The following NRXN1 variants were observed in gnomAD, a reference collection of about 807,000 sequenced individuals.
NRXN1 encodes the protein neurexin 1, also known as neurexin-1.
A neutral mutation model predicts 150.9 loss-of-function variants in NRXN1; 39 were observed. The ratio of observed to expected loss-of-function variants is 0.26; its 90% CI spans 0.20 to 0.34. NRXN1 has a LOEUF of 0.34. NRXN1 is among the 10% of genes least tolerant of loss of function. NRXN1 has a pLI of 1.00. For synonymous variants in NRXN1, 924 were observed against 757.0 expected (o/e 1.22, Z -3.62); for missense variants, 1,815 against 1,949.9 (o/e 0.93, Z 1.30).
chr2:50,000,649 G>C (rs1056573135), intron 21 of NRXN1, among the ~76,000 whole-genome samples: 2 of 152,132 alleles, frequency 1.3e-5, no homozygotes, highest in Non-Finnish European at 2.9e-5. Flanking sequence ...AGATTAATAA[G>C]AATATGACTC....
At chr2:51,019,280 T>G (rs1669225833) in intron 2 of NRXN1, among the ~76,000 whole-genome samples, 1 of 152,110 alleles carries the variant, frequency 6.6e-6, no homozygotes, top group South Asian at 2.1e-4. Flanking sequence ...GTTTTCTCAC[T>G]GATAAAATCG....
Position 50,169,626 on chromosome 2 carries a change from T to C in NRXN1, c.3546+67163A>G, listed in dbSNP as rs1021374379. On this transcript the variant is annotated intron_variant, in intron 18 of 22. Coordinates refer to ENST00000401669, the MANE Select transcript of NRXN1 (RefSeq NM_001330078.2). ...TACTCGGGAGGCTGAGGAAGGAGAA[T>C]TGCTTGAACCCAGGAGCGGAGGTTG... 2.1e-4 allele frequency among the ~76,000 whole-genome samples: 31 copies of C among 150,010 alleles called. 1 individual carries two copies. Among genetic ancestry groups the C allele is most frequent in the Admixed American group, 2.0e-3 (30 of 14,972 alleles).
intron 18 of NRXN1, among the ~76,000 whole-genome samples, chr2:50,161,549 A>G (rs1222397774): frequency 6.6e-6 from 1 of 152,144 alleles, no homozygotes; most frequent in East Asian, 1.9e-4. Flanking sequence ...GCAGACTGGG[A>G]GAATTTTGAC....
In NRXN1 at chr2:50,168,854, CA is replaced by C. The variant is rs1288634394; in HGVS notation, c.3546+67934del. On this transcript the variant is annotated intron_variant, in intron 18 of 22. Coordinates refer to ENST00000401669, the MANE Select transcript of NRXN1 (RefSeq NM_001330078.2). ...TGATGGTGATTTCGTCTTCCATTTA[CA>C]ACTTCTTTATTCTTATAAAAAGAAT... Among the ~76,000 whole-genome samples the C allele has an allele frequency of 2.0e-5, 3 of 152,314 alleles. No individual in the cohort carries two copies. In the East Asian group the frequency reaches 5.8e-4, roughly 29 times the overall value.
intron 21 of NRXN1, among the ~76,000 whole-genome samples, chr2:49,957,866 G>A (rs1357334605): frequency 6.6e-6 from 1 of 152,088 alleles, no homozygotes; most frequent in African/African-American, 2.4e-5. Context: ...TTGGCGTCTT[G>A]CTCCTTCTAC....
intron 21 of NRXN1, among the ~76,000 whole-genome samples, chr2:49,978,746 C>G (rs905710938): frequency 2.0e-5 from 3 of 150,480 alleles, no homozygotes; most frequent in Admixed American, 1.3e-4. Flanking sequence ...ACCACAAACC[C>G]ATGGATATTA....
chr2:50,424,164 G>A (rs867064598), intron 17 of NRXN1, among the ~76,000 whole-genome samples: 1 of 79,268 alleles, frequency 1.3e-5, no homozygotes, highest in African/African-American at 5.4e-5. Context: ...GGAAGGGGAG[G>A]AGGAGGAGGG....
intron 21 of NRXN1, chr2:49,970,309 A>T (rs1434684094): frequency 4.6e-5 from 7 of 152,114 alleles, no homozygotes; most frequent in Admixed American, 4.6e-4. Context: ...CAAATGAATT[A>T]AAATAAAGGT....
At chr2:50,211,352 T>C (rs1179609395) in intron 18 of NRXN1, among the ~76,000 whole-genome samples, 1 of 151,664 alleles carries the variant, frequency 6.6e-6, no homozygotes, top group Non-Finnish European at 1.5e-5. Flanking sequence ...CTAAATTTAA[T>C]AGAACATTGA....
In NRXN1 at chr2:50,576,941, T is replaced by G. The variant is rs139781827; in HGVS notation, c.1321-23916A>C. Among the ~76,000 whole-genome samples the G allele has an allele frequency of 2.5e-3, 388 of 152,164 alleles. 2 individuals carry two copies. The highest frequency in any genetic ancestry group is 8.8e-3 in the African/African-American group (366 of 41,536). On this transcript the variant is annotated intron_variant, in intron 8 of 22. Transcript: ENST00000401669. ...AAATACTGCACCTCTATGATGTAATTTATTATATTCTTGCTAATCTTTTCT... is the reference window on the plus strand; with the variant it reads ...AAATACTGCACCTCTATGATGTAATGTATTATATTCTTGCTAATCTTTTCT...
At chr2:50,522,719 CATTTTTTTTTTTTTTTT>C (rs1190025099) in intron 12 of NRXN1, among the ~76,000 whole-genome samples, 3 of 86,596 alleles carry the variant, frequency 3.5e-5, no homozygotes, top group Non-Finnish European at 6.0e-5. Context: ...TATTTTTATT[CATTTTTTTTTTTTTTTT>C]TTTTTTTTTT....
At chr2:50,199,026 C>G (rs1279912534) in intron 18 of NRXN1, 2 of 152,182 alleles carry the variant, frequency 1.3e-5, no homozygotes, top group Non-Finnish European at 2.9e-5. Context: ...GTGCCCAGAG[C>G]TGAGGACCTG....
At chr2:51,025,078 T>C (rs1464647508) in intron 2 of NRXN1, among the ~76,000 whole-genome samples, 1 of 152,148 alleles carries the variant, frequency 6.6e-6, no homozygotes, top group African/African-American at 2.4e-5. Flanking sequence ...GAGCCAATCC[T>C]TCTAGGAAGA....
intron 21 of NRXN1, among the ~76,000 whole-genome samples, chr2:49,976,986 A>C (rs1679101646): frequency 6.6e-6 from 1 of 152,230 alleles, no homozygotes; most frequent in Admixed American, 6.5e-5. Flanking sequence ...CAAAGGCAAA[A>C]TAACATCCAT....
At chr2:50,123,319 T>A (rs1476733177) in intron 18 of NRXN1, among the ~76,000 whole-genome samples, 4 of 151,912 alleles carry the variant, frequency 2.6e-5, no homozygotes, top group African/African-American at 9.7e-5. Context: ...TGAAAGGAGG[T>A]AACGAACCAT....
chr2:49,982,964 C>A (rs1012927975), intron 21 of NRXN1, among the ~76,000 whole-genome samples: 40 of 152,236 alleles, frequency 2.6e-4, no homozygotes, highest in African/African-American at 9.1e-4. Flanking sequence ...AACATCTTTA[C>A]TGGCATGAAC....
At chr2:50,365,355 C>A (rs2079512484) in intron 17 of NRXN1, among the ~76,000 whole-genome samples, 1 of 151,818 alleles carries the variant, frequency 6.6e-6, no homozygotes, top group African/African-American at 2.4e-5. Flanking sequence ...CATTTACATT[C>A]ATGGAGGAAT....
rs1051163823 is a variant in NRXN1, at chr2:50,469,874, T to C, written c.3244+2424A>G. On this transcript the variant is annotated intron_variant, in intron 16 of 22. Coordinates refer to ENST00000401669, the MANE Select transcript of NRXN1 (RefSeq NM_001330078.2). ...TTCAAATGTTCAAATAATAGTTTAA[T>C]GTGTAACTAATCATCTTAACCAAAT... Among the ~76,000 whole-genome samples, 4 of 151,326 alleles carry C rather than the reference T, an allele frequency of 2.6e-5. No individual in the cohort carries two copies. The Admixed American group carries it at 2.6e-4, about 10-fold the overall frequency.
chr2:50,039,813 A>G (rs944740283), intron 21 of NRXN1, among the ~76,000 whole-genome samples: 7 of 152,208 alleles, frequency 4.6e-5, no homozygotes, highest in Non-Finnish European at 1.0e-4. Flanking sequence ...TGGAAAAACA[A>G]AACTATAGAA....
Sources: allele counts gnomAD v4.1 joint callset (sites outside exome capture counted in the v4.1 genomes callset), GRCh38; gene constraint gnomAD v4.1.1; transcripts MANE v1.5; gene names NCBI Gene and HGNC (gene_info 2026-07-23, HGNC 2026-07-21).